RBFOX1: variants seen among roughly 807,000 people sequenced by gnomAD.
RBFOX1 encodes the protein RNA binding protein fox-1 homolog 1.
A neutral mutation model predicts 57.7 loss-of-function variants in RBFOX1; 8 were observed. That is an observed-to-expected ratio of 0.14 (90% CI 0.08 to 0.25). The LOEUF (loss-of-function observed/expected upper bound fraction) is 0.25. RBFOX1 is among the 10% of genes least tolerant of loss of function. RBFOX1 has a pLI of 1.00. For synonymous variants in RBFOX1, 326 were observed against 222.4 expected, an observed-to-expected ratio of 1.47 and a Z score of -4.15; for missense variants, 611 against 548.5, an observed-to-expected ratio of 1.11 and a Z score of -1.14.
intron 2 of RBFOX1, among the ~76,000 whole-genome samples, chr16:6,396,789 C>G (rs957223895): frequency 6.6e-6 from 1 of 151,230 alleles, no homozygotes; most frequent in Non-Finnish European, 1.5e-5. Context: ...AGCAGTTAAC[C>G]CTGACATAAA....
intron 2 of RBFOX1, among the ~76,000 whole-genome samples, chr16:6,640,920 T>G (rs1405784274): frequency 6.6e-6 from 1 of 151,980 alleles, no homozygotes; most frequent in Non-Finnish European, 1.5e-5. Flanking sequence ...CCAGGTAGGC[T>G]TCGCAGATGA....
chr16:7,515,832 G>T (rs1214689415), intron 4 of RBFOX1, among the ~76,000 whole-genome samples: 2 of 151,560 alleles, frequency 1.3e-5, no homozygotes, highest in Non-Finnish European at 3.0e-5. Context: ...TCAAGTGGCA[G>T]TTCGTTGTTG....
At chr16:6,601,242 A>G (rs1227804292) in intron 2 of RBFOX1, among the ~76,000 whole-genome samples, 1 of 152,146 alleles carries the variant, frequency 6.6e-6, no homozygotes, top group African/African-American at 2.4e-5. Flanking sequence ...GACGAATTGA[A>G]CCAGCATATA....
At chr16:6,179,219 C>G (rs1168540084) in intron 1 of RBFOX1, among the ~76,000 whole-genome samples, 1 of 152,126 alleles carries the variant, frequency 6.6e-6, no homozygotes, top group African/African-American at 2.4e-5. Flanking sequence ...TGTCTTCTCC[C>G]TTTAACTATC....
intron 11 of RBFOX1, among the ~76,000 whole-genome samples, chr16:7,636,899 G>C (rs546121591): frequency 5.9e-5 from 9 of 152,094 alleles, no homozygotes; most frequent in African/African-American, 2.2e-4. Flanking sequence ...ATAAGGGCAT[G>C]AATCTTATGA....
intron 3 of RBFOX1, among the ~76,000 whole-genome samples, chr16:5,798,587 C>T (rs905313496): frequency 6.6e-6 from 1 of 152,162 alleles, no homozygotes; most frequent in Admixed American, 6.5e-5. Context: ...GTTAGGGCAA[C>T]AGGAACTGGA....
At chr16:6,925,521 G>A (rs551577963) in intron 3 of RBFOX1, among the ~76,000 whole-genome samples, 10 of 142,300 alleles carry the variant, frequency 7.0e-5, no homozygotes, top group Admixed American at 1.4e-4. Flanking sequence ...GTAAATTTCC[G>A]GGGGGGCAGG....
intron 3 of RBFOX1, among the ~76,000 whole-genome samples, chr16:5,756,223 CAAAAA>C (rs5815266): frequency 7.9e-5 from 4 of 50,948 alleles, no homozygotes; most frequent in Non-Finnish European, 1.0e-4. Flanking sequence ...TCCACATAAG[CAAAAA>C]AAAAAAAAAA....
intron 1 of RBFOX1, among the ~76,000 whole-genome samples, chr16:5,261,690 C>T (rs1411730469): frequency 6.6e-6 from 1 of 151,884 alleles, no homozygotes; most frequent in Non-Finnish European, 1.5e-5. Flanking sequence ...GCTGGGACTA[C>T]AGGCGCCTGC....
At chr16:5,942,713 C>A (rs1384439229) in intron 4 of RBFOX1, among the ~76,000 whole-genome samples, 1 of 152,184 alleles carries the variant, frequency 6.6e-6, no homozygotes, top group Non-Finnish European at 1.5e-5. Flanking sequence ...TACCCCCGAA[C>A]AACCAAGGGT....
intron 2 of RBFOX1, among the ~76,000 whole-genome samples, chr16:5,491,786 T>C (rs1308881487): frequency 6.6e-6 from 1 of 152,196 alleles, no homozygotes; most frequent in Non-Finnish European, 1.5e-5. Context: ...GCTAGAAACA[T>C]CTTTTAATTC....
chr16:7,074,401 G>A lies in RBFOX1; in HGVS notation c.27+22303G>A, dbSNP rs1014076801. On this transcript the variant is annotated intron_variant, in intron 4 of 15. Coordinates refer to ENST00000550418, the MANE Select transcript of RBFOX1 (RefSeq NM_018723.4). ...GATAATAATTAAAATAATGGCAAAA[G>A]CTGCAATTATTTTGCATCAACCTAA... Among the ~76,000 whole-genome samples, 46 of 152,154 alleles carry A rather than the reference G, an allele frequency of 3.0e-4. 1 individual carries two copies. The highest frequency in any genetic ancestry group is 1.1e-3 in the African/African-American group (45 of 41,450).
intron 3 of RBFOX1, among the ~76,000 whole-genome samples, chr16:6,855,643 A>G (rs1317093649): frequency 8.1e-6 from 1 of 123,002 alleles, no homozygotes. Context: ...ACAGAGTGAG[A>G]CTCCATCTCA....
rs554616954 is a variant in RBFOX1, at chr16:6,954,851, C to G, written c.-15-97206C>G. On this transcript the variant is annotated intron_variant, in intron 3 of 15. Coordinates refer to ENST00000550418, the MANE Select transcript of RBFOX1 (RefSeq NM_018723.4). The stretch of plus-strand genomic sequence containing the variant: ...GGATTAGCAACTTTATAACCTTGGG[C>G]AAGTTGCCTTTTTTCTATCAATTCA... Among the ~76,000 whole-genome samples, 8 of 152,210 alleles carry G rather than the reference C, an allele frequency of 5.3e-5. No individual in the cohort carries two copies. The East Asian group carries it at 1.2e-3, about 22-fold the overall frequency.
At chr16:5,719,508 A>AT (rs931196624) in intron 3 of RBFOX1, among the ~76,000 whole-genome samples, 2 of 151,456 alleles carry the variant, frequency 1.3e-5, no homozygotes, top group African/African-American at 4.9e-5. Context: ...CTGCCCTAGA[A>AT]TTTTTTTTAT....
Position 7,461,933 on chromosome 16 carries a change from C to T in RBFOX1, c.28-56214C>T, listed in dbSNP as rs903684012. Among the ~76,000 whole-genome samples, 4 of 152,162 alleles carry T rather than the reference C, an allele frequency of 2.6e-5. No individual in the cohort carries two copies. In the South Asian group the frequency reaches 8.3e-4, roughly 32 times the overall value. Reference sequence around the variant, plus strand: ...AGAGACTTCTACCCTCCCATTTGTTCTTGTCTTTTAATTTTTCAGCCTCCT... The same window carrying T: ...AGAGACTTCTACCCTCCCATTTGTTTTTGTCTTTTAATTTTTCAGCCTCCT... On this transcript the variant is annotated intron_variant, in intron 4 of 15. Coordinates refer to ENST00000550418, the MANE Select transcript of RBFOX1 (RefSeq NM_018723.4).
intron 1 of RBFOX1, among the ~76,000 whole-genome samples, chr16:5,413,064 T>C (rs1187881461): frequency 6.6e-6 from 1 of 152,184 alleles, no homozygotes; most frequent in African/African-American, 2.4e-5. Context: ...CTAGGGGGTG[T>C]GCAGAAGAAA....
intron 3 of RBFOX1, among the ~76,000 whole-genome samples, chr16:7,029,362 G>T (rs116555288): frequency 0.018 from 2,690 of 149,358 alleles, 101 homozygotes; most frequent in African/African-American, 0.059. Context: ...CTTTGGCCCT[G>T]ATAGAAGAAA....
chr16:6,167,886 C>T (rs988799210), intron 1 of RBFOX1, among the ~76,000 whole-genome samples: 9 of 152,114 alleles, frequency 5.9e-5, no homozygotes, highest in Non-Finnish European at 1.2e-4. Context: ...GGAGAAGTTG[C>T]TTGTCCTTTT....
Sources: gnomAD v4.1 joint callset for allele counts (sites outside exome capture counted in the v4.1 genomes callset) on GRCh38, gnomAD v4.1.1 for gene constraint, MANE v1.5 for transcripts, NCBI Gene and HGNC (gene_info 2026-07-23, HGNC 2026-07-21) for gene names.